The following CLEC19A variants were observed in gnomAD, a reference collection of about 807,000 sequenced individuals.
CLEC19A encodes the protein C-type lectin domain family 19 member A.
A neutral mutation model predicts 26.1 loss-of-function variants in CLEC19A; 21 were observed. The observed-to-expected ratio is 0.80, with a 90% CI of 0.57 to 1.16. CLEC19A has a LOEUF of 1.16. Ranked by LOEUF, CLEC19A falls within the 50% of genes most tolerant of loss-of-function variation. CLEC19A has a pLI of 0.00. For missense variants in CLEC19A, 224 were observed against 227.6 expected, an observed-to-expected ratio of 0.98 and a Z score of 0.10; for synonymous variants, 89 against 88.6, an observed-to-expected ratio of 1.00 and a Z score of -0.03.
intron 2 of CLEC19A, among the ~76,000 whole-genome samples, chr16:19,300,670 G>T (rs1897801437): frequency 6.6e-6 from 1 of 152,140 alleles, no homozygotes; most frequent in African/African-American, 2.4e-5. Context: ...GGGGCTGAGG[G>T]ATATATTGAG....
intron 2 of CLEC19A, among the ~76,000 whole-genome samples, chr16:19,301,115 T>A (rs1211179576): frequency 6.6e-6 from 1 of 151,976 alleles, no homozygotes; most frequent in Non-Finnish European, 1.5e-5. Flanking sequence ...TAGAGGAAAA[T>A]GAGATATATT....
chr16:19,298,829 C>T lies in CLEC19A; in HGVS notation c.245C>T (p.Ser82Phe). The T allele has an allele frequency of 6.4e-7, 1 of 1,550,436 alleles. No individual in the cohort carries two copies. Among genetic ancestry groups the T allele is most frequent in the South Asian group, 1.2e-5 (1 of 84,030 alleles). ...SVGRKSAKLA[S>F]IHSWEENVFV... ...GGCAGGAAGTCCGCCAAGCTGGCCT[C>T]CATCCACAGGTAAGTGGGATCCCCA... The change falls in exon 2 of 5, where the codon TCC becomes TTC. Residue 82 changes from serine to phenylalanine, a missense_variant. Physicochemically the swap from Ser to Phe is radical, Grantham distance 155 (BLOSUM62 -2). Transcript: ENST00000636231.
chr16:19,286,412 G>C (rs945571807), intron 1 of CLEC19A, among the ~76,000 whole-genome samples: 3 of 152,196 alleles, frequency 2.0e-5, no homozygotes, highest in African/African-American at 7.2e-5. Flanking sequence ...TGCCACCAGA[G>C]GTTAGGTGCG....
intron 1 of CLEC19A, among the ~76,000 whole-genome samples, chr16:19,296,248 C>T (rs1020577741): frequency 6.6e-6 from 1 of 152,190 alleles, no homozygotes; most frequent in African/African-American, 2.4e-5. Flanking sequence ...ACTGACCAGC[C>T]CTGAGAAGCA....
In CLEC19A at chr16:19,307,678, G is replaced by A; in HGVS notation, c.481+1G>A. The stretch of plus-strand genomic sequence containing the variant: ...CAGATATGGTACAGGCCTACCAGTG[G>A]TGGGTACCCCTGAGACCAAGGCTCT... On this transcript the variant is annotated splice_donor_variant, in intron 4 of 4. Coordinates refer to ENST00000636231, the MANE Select transcript of CLEC19A (RefSeq NM_001256720.2). LOFTEE classifies it high-confidence loss of function. 6.5e-7 allele frequency: 1 copy of A among 1,548,188 alleles called. No individual in the cohort carries two copies. Among genetic ancestry groups the A allele is most frequent in the Non-Finnish European group, 8.7e-7 (1 of 1,146,758 alleles).
intron 1 of CLEC19A, among the ~76,000 whole-genome samples, chr16:19,293,465 T>A (rs964744176): frequency 3.8e-5 from 1 of 26,236 alleles, no homozygotes. Flanking sequence ...TTTTTTAATT[T>A]TTTTTTTTTG....
At chr16:19,294,754 G>A (rs890519843) in intron 1 of CLEC19A, among the ~76,000 whole-genome samples, 1 of 152,200 alleles carries the variant, frequency 6.6e-6, no homozygotes, top group South Asian at 2.1e-4. Context: ...TAAAATTAGA[G>A]AAATAGCCCA....
intron 3 of CLEC19A, among the ~76,000 whole-genome samples, chr16:19,305,376 C>T (rs757932549): frequency 1.3e-5 from 2 of 152,154 alleles, no homozygotes; most frequent in African/African-American, 2.4e-5. Context: ...GTGATTAGAG[C>T]GCAGAGTGGG....
intron 2 of CLEC19A, among the ~76,000 whole-genome samples, chr16:19,303,569 T>G (rs949006901): frequency 1.3e-5 from 2 of 152,152 alleles, no homozygotes; most frequent in African/African-American, 4.8e-5. Context: ...GCAATGCAAG[T>G]TGAAGCCTAG....
intron 1 of CLEC19A, among the ~76,000 whole-genome samples, chr16:19,287,865 GT>G (rs1897505460): frequency 1.3e-5 from 2 of 152,194 alleles, no homozygotes; most frequent in African/African-American, 4.8e-5. Flanking sequence ...CCATTACTAT[GT>G]TTGCCACTGT....
At chr16:19,304,663 T>G (rs1897912899) in intron 3 of CLEC19A, among the ~76,000 whole-genome samples, 1 of 151,264 alleles carries the variant, frequency 6.6e-6, no homozygotes, top group African/African-American at 2.4e-5. Context: ...ATCATGCCAC[T>G]GCACTCCAGC....
At chr16:19,292,824 C>CTGGA (rs773287075) in intron 1 of CLEC19A, among the ~76,000 whole-genome samples, 1 of 152,148 alleles carries the variant, frequency 6.6e-6, no homozygotes, top group Non-Finnish European at 1.5e-5. Flanking sequence ...GTGGGCAAAC[C>CTGGA]TGGAGCACAG....
Position 19,307,644 on chromosome 16 carries a change from G to A in CLEC19A, c.448G>A (p.Asp150Asn), listed in dbSNP as rs577490903. The A allele has an allele frequency of 1.9e-6, 3 of 1,548,378 alleles. No homozygotes were observed. In the East Asian group the frequency reaches 7.3e-5, roughly 38 times the overall value. Residue 150 changes from aspartate (D) to asparagine (N), a missense_variant, in exon 4 of 5, where the codon GAC (aspartate) becomes AAC (asparagine). Asp to Asn is a conservative substitution (Grantham distance 23). Transcript: ENST00000636231. ...DGVHADPEEE[D>N]CVQIWYRPTS... ...CGTCCACGCGGACCCAGAAGAAGAG[G>A]ACTGCGTGCAGATATGGTACAGGCC...
chr16:19,308,913 G>A (rs1898010373), intron 4 of CLEC19A, 91 bp from the exon 5 acceptor site: 3 of 986,992 alleles, frequency 3.0e-6, no homozygotes, highest in Non-Finnish European at 4.7e-6. Context: ...AAGGCCTATT[G>A]GAGATGGCTT....
chr16:19,285,824 C>G lies in CLEC19A; in HGVS notation c.-28C>G, dbSNP rs1567250136. On this transcript the variant is annotated 5_prime_UTR_variant, in exon 1 of 5. Coordinates refer to ENST00000636231, the MANE Select transcript of CLEC19A (RefSeq NM_001256720.2). ...AAAAAGCCTCTCTCCTCCACTCAGG[C>G]TGGGAGGTTGCTTTCTAGGAGCTCA... 1.3e-6 allele frequency: 2 copies of G among 1,545,998 alleles called. No individual in the cohort carries two copies. The highest frequency in any genetic ancestry group is 1.7e-6 in the Non-Finnish European group (2 of 1,143,054).
At chr16:19,289,996 C>T (rs978917612) in intron 1 of CLEC19A, among the ~76,000 whole-genome samples, 1 of 152,190 alleles carries the variant, frequency 6.6e-6, no homozygotes, top group African/African-American at 2.4e-5. Flanking sequence ...CTCTCCGCCT[C>T]CCCTCCTGGC....
At chr16:19,291,374 A>G (rs1269786113) in intron 1 of CLEC19A, among the ~76,000 whole-genome samples, 2 of 152,202 alleles carry the variant, frequency 1.3e-5, no homozygotes, top group African/African-American at 4.8e-5. Context: ...CTAGGTTTGG[A>G]GCTAGACAGG....
At chr16:19,307,504 C>T (rs1176046918) in intron 3 of CLEC19A, 41 bp from the exon 4 acceptor site, 2 of 1,544,684 alleles carry the variant, frequency 1.3e-6, no homozygotes, top group South Asian at 1.2e-5. Context: ...TGATCTTCTT[C>T]TTGGCTTGCT....
chr16:19,304,193 C>T, intron 3 of CLEC19A, 38 bp downstream of exon 3: 1 of 1,502,766 alleles, frequency 6.7e-7, no homozygotes, highest in Non-Finnish European at 9.1e-7. Flanking sequence ...CTTGGAAGCT[C>T]CAGCCAGGAT....
Sources: gnomAD v4.1 joint callset for allele counts (sites outside exome capture counted in the v4.1 genomes callset) on GRCh38, gnomAD v4.1.1 for gene constraint, MANE v1.5 for transcripts, NCBI Gene and HGNC (gene_info 2026-07-23, HGNC 2026-07-21) for gene names.